NLRC5: variants seen among roughly 807,000 people sequenced by gnomAD.
The protein encoded by NLRC5 is protein NLRC5.
A neutral mutation model predicts 206.9 loss-of-function variants in NLRC5; 114 were observed. The observed-to-expected ratio is 0.55, with a 90% CI of 0.47 to 0.64. The LOEUF (loss-of-function observed/expected upper bound fraction) is 0.64, where lower values mean the gene tolerates loss of function less well. NLRC5 is among the 30% of genes least tolerant of loss of function. NLRC5 has a pLI of 0.00. For missense variants in NLRC5, 2,008 were observed against 2,305.5 expected (o/e 0.87, Z 2.64); for synonymous variants, 952 against 962.8 (o/e 0.99, Z 0.21).
At chr16:56,991,413 A>C (rs1597030627) in intron 1 of NLRC5, among the ~76,000 whole-genome samples, 7 of 119,792 alleles carry the variant, frequency 5.8e-5, no homozygotes, top group Admixed American at 3.3e-4. Context: ...ACGAAGTCTC[A>C]CTCTGTTGCT....
chr16:57,062,088 T>G, intron 32 of NLRC5: 1 of 1,213,452 alleles, frequency 8.2e-7, no homozygotes. Flanking sequence ...AAAACTCCTA[T>G]TCCCAGAACC....
In NLRC5 at chr16:57,059,449, A is replaced by G; in HGVS notation, c.3921-18A>G. On this transcript the variant is annotated intron_variant, in intron 29 of 48. Coordinates refer to ENST00000688547, the MANE Select transcript of NLRC5 (RefSeq NM_001384950.1). ...GCATGTCTGGGCACCGTGCTTCCCCAGGCCCTTCTCTCTGCAGCCTGGGCT... is the reference window on the plus strand; with the variant it reads ...GCATGTCTGGGCACCGTGCTTCCCCGGGCCCTTCTCTCTGCAGCCTGGGCT... 6.3e-7 allele frequency: 1 copy of G among 1,599,850 alleles called. No homozygotes were observed. The highest frequency in any genetic ancestry group is 8.5e-7 in the Non-Finnish European group (1 of 1,173,106).
chr16:57,017,983 C>T (rs1182328493), intron 2 of NLRC5, among the ~76,000 whole-genome samples: 1 of 152,172 alleles, frequency 6.6e-6, no homozygotes, highest in Non-Finnish European at 1.5e-5. Context: ...GCTTTTTCTC[C>T]TGAGGATGGT....
At chr16:56,991,516 G>C (rs1285239098) in intron 1 of NLRC5, among the ~76,000 whole-genome samples, 1 of 150,752 alleles carries the variant, frequency 6.6e-6, no homozygotes, top group Non-Finnish European at 1.5e-5. Flanking sequence ...CGAGTAGCTG[G>C]GATTATAGGC....
chr16:57,077,477 T>G, intron 41 of NLRC5, 98 bp downstream of exon 41: 5 of 1,197,718 alleles, frequency 4.2e-6, no homozygotes, highest in Non-Finnish European at 6.0e-6. Flanking sequence ...AAATCTCCCC[T>G]GCGCCAACCT....
intron 45 of NLRC5, 31 bp downstream of exon 45, chr16:57,079,323 C>T (rs2068835787): frequency 3.1e-6 from 5 of 1,606,408 alleles, no homozygotes; most frequent in Non-Finnish European, 4.3e-6. Context: ...GCCTAGGGGA[C>T]CAGTGGCAGG....
intron 8 of NLRC5, among the ~76,000 whole-genome samples, chr16:57,028,939 G>C (rs2061515092): frequency 6.6e-6 from 1 of 152,198 alleles, no homozygotes; most frequent in Admixed American, 6.5e-5. Context: ...CTGGGACTCA[G>C]TACCATGGGG....
intron 42 of NLRC5, 35 bp from the exon 43 acceptor site, chr16:57,077,908 C>G (rs778430810): frequency 6.2e-7 from 1 of 1,610,996 alleles, no homozygotes; most frequent in South Asian, 1.1e-5. Flanking sequence ...AGTGGGCAGG[C>G]CCAGTACTCA....
At chr16:57,066,034 AC>A (rs1360503827) in intron 33 of NLRC5, among the ~76,000 whole-genome samples, 1 of 152,040 alleles carries the variant, frequency 6.6e-6, no homozygotes, top group African/African-American at 2.4e-5. Context: ...CCCTTCCACC[AC>A]ACTGTGGTCC....
chr16:57,002,649 T>TG (rs1172018756), intron 1 of NLRC5, among the ~76,000 whole-genome samples: 3 of 145,790 alleles, frequency 2.1e-5, no homozygotes, highest in African/African-American at 7.6e-5. Flanking sequence ...TTTTTTGTTT[T>TG]TTTTTTTTTT....
intron 1 of NLRC5, among the ~76,000 whole-genome samples, chr16:57,001,059 G>A (rs907564050): frequency 3.9e-5 from 6 of 152,156 alleles, no homozygotes; most frequent in Admixed American, 6.5e-5. Context: ...GGTGTTATCC[G>A]AAGCCCTGAC....
chr16:57,015,278 TC>T (rs1177562845), intron 1 of NLRC5, among the ~76,000 whole-genome samples: 4 of 152,176 alleles, frequency 2.6e-5, no homozygotes, highest in African/African-American at 9.6e-5. Flanking sequence ...GGGTCCACCC[TC>T]TTGACCTAAT....
intron 3 of NLRC5, among the ~76,000 whole-genome samples, chr16:57,021,906 G>A (rs2060718978): frequency 6.6e-6 from 1 of 152,204 alleles, no homozygotes; most frequent in South Asian, 2.1e-4. Flanking sequence ...GGCGGCGCAT[G>A]CACATATGTG....
chr16:56,995,285 A>T (rs1322458802), intron 1 of NLRC5, among the ~76,000 whole-genome samples: 1 of 152,132 alleles, frequency 6.6e-6, no homozygotes, highest in Non-Finnish European at 1.5e-5. Context: ...AGCCTCCTAT[A>T]GGTCATGGCA....
chr16:57,081,591 T>A lies in NLRC5; in HGVS notation c.5470T>A (p.Ser1824Thr). ...CCTGGCTGAAGGACTGGCCCAGGGG[T>A]CTAGCATCCAAGTCATCCGGTAACA... Reference protein sequence around the residue: ...WLLAEGLAQGSSIQVIRLWNN... With the variant: ...WLLAEGLAQGTSIQVIRLWNN... Residue 1824 changes from serine to threonine, a missense_variant, in exon 48 of 49, where the codon TCT (serine) becomes ACT (threonine). Ser to Thr is a moderately conservative substitution (Grantham distance 58). Coordinates refer to ENST00000688547, the MANE Select transcript of NLRC5 (RefSeq NM_001384950.1). 6.2e-7 allele frequency: 1 copy of A among 1,613,286 alleles called. No individual in the cohort carries two copies.
intron 23 of NLRC5, among the ~76,000 whole-genome samples, chr16:57,051,103 C>T (rs182664293): frequency 2.2e-4 from 33 of 152,286 alleles, no homozygotes; most frequent in Non-Finnish European, 4.4e-5. Flanking sequence ...AGATGATCCA[C>T]CCACCTCAGC....
intron 5 of NLRC5, among the ~76,000 whole-genome samples, chr16:57,024,634 C>T (rs1462547985): frequency 1.3e-5 from 2 of 152,188 alleles, no homozygotes; most frequent in Non-Finnish European, 2.9e-5. Flanking sequence ...TGTTAGTGCT[C>T]ACCCCTGGGC....
chr16:57,061,909 T>C, intron 32 of NLRC5: 1 of 1,531,976 alleles, frequency 6.5e-7, no homozygotes, highest in Non-Finnish European at 8.7e-7. Flanking sequence ...ACTGGAGGCC[T>C]GTGCTTTGGG....
Position 57,067,733 on chromosome 16 carries a change from C to T in NLRC5, c.4407-3C>T. On this transcript the variant is annotated splice_region_variant and splice_polypyrimidine_tract_variant and intron_variant, in intron 35 of 48. Coordinates refer to ENST00000688547, the MANE Select transcript of NLRC5 (RefSeq NM_001384950.1). ...CCTCTAGAATATCCTTGGACCTTTT[C>T]AGCTTGTCTCAGGTTAACCTCTGTG... The T allele has an allele frequency of 6.2e-7, 1 of 1,613,656 alleles. No homozygotes were observed.
Sources: allele counts gnomAD v4.1 joint callset (sites outside exome capture counted in the v4.1 genomes callset), GRCh38; gene constraint gnomAD v4.1.1; transcripts MANE v1.5; gene names NCBI Gene and HGNC (gene_info 2026-07-23, HGNC 2026-07-21).